Variants in TMEM45A observed in about 807,000 individuals in gnomAD.
TMEM45A encodes the protein DNA polymerase-transactivated protein 4.
In TMEM45A, 25 loss-of-function variants were observed where a neutral mutation model predicts 32.0. The observed-to-expected ratio is 0.78, with a 90% CI of 0.57 to 1.09. The LOEUF (loss-of-function observed/expected upper bound fraction) is 1.09, where lower values mean the gene tolerates loss of function less well. Among genes scored for constraint, TMEM45A ranks in the 50% least tolerant of loss-of-function variants. TMEM45A has a pLI of 0.00. For missense variants in TMEM45A, 302 were observed against 325.0 expected (o/e 0.93, Z 0.54); for synonymous variants, 122 against 114.8 (o/e 1.06, Z -0.40).
chr3:100,538,623 C>G (rs558421598), intron 1 of TMEM45A, among the ~76,000 whole-genome samples: 6 of 152,296 alleles, frequency 3.9e-5, no homozygotes, highest in African/African-American at 1.4e-4. Context: ...AGAAAACTCT[C>G]TTTGTTCACA....
intron 1 of TMEM45A, among the ~76,000 whole-genome samples, chr3:100,528,072 C>G (rs1705579987): frequency 6.6e-6 from 1 of 152,214 alleles, no homozygotes; most frequent in Non-Finnish European, 1.5e-5. Flanking sequence ...TGCTCAAAAA[C>G]TACCTGTTGT....
intron 1 of TMEM45A, among the ~76,000 whole-genome samples, chr3:100,533,625 G>A (rs1360102310): frequency 1.3e-5 from 2 of 152,056 alleles, no homozygotes; most frequent in African/African-American, 4.8e-5. Flanking sequence ...AGCTCAGCAT[G>A]CCTCCCAGCC....
chr3:100,524,655 C>T (rs1364446142), intron 1 of TMEM45A, among the ~76,000 whole-genome samples: 1 of 152,136 alleles, frequency 6.6e-6, no homozygotes, highest in Non-Finnish European at 1.5e-5. Context: ...TCCACCTTGT[C>T]CCCACACCAT....
chr3:100,502,211 CTT>C (rs199727846), intron 1 of TMEM45A, among the ~76,000 whole-genome samples: 1,895 of 145,808 alleles, frequency 0.013, 27 homozygotes, highest in Middle Eastern at 0.052. Flanking sequence ...AGGTATGGAT[CTT>C]TTTTTTTTTT....
intron 1 of TMEM45A, chr3:100,519,278 G>A (rs1264154996): frequency 2.2e-6 from 1 of 464,546 alleles, no homozygotes; most frequent in South Asian, 3.5e-5. Context: ...TCTTCAGTAC[G>A]CATGATTCGT....
At chr3:100,527,002 T>C (rs1705556893) in intron 1 of TMEM45A, among the ~76,000 whole-genome samples, 1 of 152,322 alleles carries the variant, frequency 6.6e-6, no homozygotes, top group Admixed American at 6.5e-5. Context: ...TATTTTAAAA[T>C]AGGTATTTAA....
chr3:100,549,006 G>A (rs1354856814), intron 1 of TMEM45A, among the ~76,000 whole-genome samples: 2 of 152,154 alleles, frequency 1.3e-5, no homozygotes, highest in Non-Finnish European at 2.9e-5. Flanking sequence ...CCAGCACTTT[G>A]GGAGGCCAAG....
At chr3:100,521,731 G>T (rs904154321) in intron 1 of TMEM45A, among the ~76,000 whole-genome samples, 8 of 152,174 alleles carry the variant, frequency 5.3e-5, no homozygotes, top group Non-Finnish European at 1.2e-4. Context: ...AATGATGTCA[G>T]CCAGAGCTGC....
chr3:100,562,193 A>T (rs916084739), intron 4 of TMEM45A, among the ~76,000 whole-genome samples: 4 of 150,198 alleles, frequency 2.7e-5, no homozygotes, highest in African/African-American at 1.0e-4. Context: ...AGTTACAGCA[A>T]GAAAAACTTT....
chr3:100,519,790 T>C (rs561575657), intron 1 of TMEM45A, among the ~76,000 whole-genome samples: 8 of 152,364 alleles, frequency 5.3e-5, no homozygotes, highest in African/African-American at 1.9e-4. Flanking sequence ...CTGATGATTC[T>C]GTAGAAATTT....
At chr3:100,494,241 A>G (rs554007917) in intron 1 of TMEM45A, among the ~76,000 whole-genome samples, 5 of 152,316 alleles carry the variant, frequency 3.3e-5, no homozygotes, top group South Asian at 2.1e-4. Context: ...GACTTTTGTC[A>G]TATGTTATTT....
At chr3:100,507,629 C>T (rs1436013104) in intron 1 of TMEM45A, among the ~76,000 whole-genome samples, 1 of 151,708 alleles carries the variant, frequency 6.6e-6, no homozygotes, top group Non-Finnish European at 1.5e-5. Context: ...GATTGAGTAA[C>T]TAGAGTTGGG....
At chr3:100,532,531 C>T (rs1258536429) in intron 1 of TMEM45A, among the ~76,000 whole-genome samples, 2 of 152,200 alleles carry the variant, frequency 1.3e-5, no homozygotes, top group Non-Finnish European at 2.9e-5. Context: ...GTCTAAACAA[C>T]CAACTGCTTT....
At position 100,568,739 on chromosome 3, in the gene TMEM45A, C is replaced by CATTT; in HGVS notation, c.589-83_589-82insATTT. ...AATTGGAGTTAACTTAGTTATTTAC[C>CATTT]TCGGAAGCAAGTATTTTGAAATGTA... On this transcript the variant is annotated intron_variant, in intron 4 of 5. Coordinates refer to ENST00000323523, the MANE Select transcript of TMEM45A (RefSeq NM_018004.3). The CATTT allele has an allele frequency of 1.7e-5, 22 of 1,315,810 alleles. No individual in the cohort carries two copies. The Admixed American group carries it at 4.5e-4, about 27-fold the overall frequency. 81.5% of individuals were successfully genotyped at this position (1,315,810 alleles called of 1,614,324 possible).
At chr3:100,560,522 T>G (rs1706311384) in intron 4 of TMEM45A, among the ~76,000 whole-genome samples, 1 of 152,248 alleles carries the variant, frequency 6.6e-6, no homozygotes, top group South Asian at 2.1e-4. Flanking sequence ...AAATATTCTT[T>G]TTTTCTTATT....
chr3:100,519,615 T>G, intron 1 of TMEM45A: 4 of 1,550,802 alleles, frequency 2.6e-6, no homozygotes, highest in Non-Finnish European at 8.7e-7. Context: ...AAAGGTTAGT[T>G]TGGCGTTTCT....
chr3:100,563,055 A>G (rs931369575), intron 4 of TMEM45A, among the ~76,000 whole-genome samples: 5 of 152,242 alleles, frequency 3.3e-5, no homozygotes, highest in Admixed American at 6.5e-5. Flanking sequence ...TCTGGAGACC[A>G]GAAATCTGAA....
chr3:100,576,942 T>G lies in TMEM45A; in HGVS notation c.752T>G (p.Leu251Arg). ...AFITWLVKSR[L>R]KRLCSSEVGL... ...CTCCTCAGGTTGGTTAAATCTAGAC[T>G]TAAGAGGCTCTGCTCCTCAGAAGTT... Residue 251 changes from leucine to arginine, a missense_variant, in exon 6 of 6, where the codon CTT becomes CGT. Physicochemically the swap from Leu to Arg is moderately radical, Grantham distance 102. Transcript: ENST00000323523. 6.2e-7 allele frequency: 1 copy of G among 1,613,462 alleles called. No individual in the cohort carries two copies. The highest frequency in any genetic ancestry group is 1.1e-5 in the South Asian group (1 of 90,980).
intron 4 of TMEM45A, among the ~76,000 whole-genome samples, chr3:100,558,820 T>C (rs568515911): frequency 6.6e-6 from 1 of 152,294 alleles, no homozygotes; most frequent in African/African-American, 2.4e-5. Flanking sequence ...GGACATCCAT[T>C]ATGTAGGAAC....
Sources: gnomAD v4.1 joint callset for allele counts (sites outside exome capture counted in the v4.1 genomes callset) on GRCh38, gnomAD v4.1.1 for gene constraint, MANE v1.5 for transcripts, NCBI Gene and HGNC (gene_info 2026-07-23, HGNC 2026-07-21) for gene names.